KCNIP1: variants seen among roughly 807,000 people sequenced by gnomAD.
KCNIP1 encodes potassium voltage-gated channel interacting protein 1.
In KCNIP1, 18 loss-of-function variants were observed where a neutral mutation model predicts 33.0. The observed-to-expected ratio is 0.55, with a 90% CI of 0.38 to 0.81. The LOEUF is 0.81. KCNIP1 is among the 30% of genes least tolerant of loss of function. The pLI is 0.00. For synonymous variants in KCNIP1, 93 were observed against 98.3 expected (o/e 0.95, Z 0.32); for missense variants, 238 against 271.6 (o/e 0.88, Z 0.87).
chr5:170,511,710 T>A (rs980330579), intron 1 of KCNIP1, among the ~76,000 whole-genome samples: 2 of 152,212 alleles, frequency 1.3e-5, no homozygotes, highest in African/African-American at 4.8e-5. Flanking sequence ...GCTATTACAG[T>A]TCTCATTTTG....
At chr5:170,478,991 G>T (rs1756917505) in intron 1 of KCNIP1, among the ~76,000 whole-genome samples, 1 of 152,122 alleles carries the variant, frequency 6.6e-6, no homozygotes, top group African/African-American at 2.4e-5. Context: ...TTTGAAAAGG[G>T]GGATTGCACG....
At chr5:170,514,292 G>A (rs1211128522) in intron 1 of KCNIP1, among the ~76,000 whole-genome samples, 2 of 152,196 alleles carry the variant, frequency 1.3e-5, no homozygotes, top group Admixed American at 6.5e-5. Context: ...GCATCCGTGT[G>A]GCTGAGGCTG....
At chr5:170,467,709 G>A (rs959349612) in intron 1 of KCNIP1, among the ~76,000 whole-genome samples, 2 of 152,242 alleles carry the variant, frequency 1.3e-5, no homozygotes, top group African/African-American at 4.8e-5. Context: ...CCTGAGGTCA[G>A]GAGTTAGAGA....
chr5:170,402,188 G>A (rs60192040), intron 1 of KCNIP1, among the ~76,000 whole-genome samples: 43 of 152,162 alleles, frequency 2.8e-4, no homozygotes, highest in African/African-American at 9.9e-4. Flanking sequence ...AAGAGCTCAA[G>A]ATCCTTTGTT....
chr5:170,696,016 CAAA>C (rs34474795), intron 1 of KCNIP1, among the ~76,000 whole-genome samples: 5 of 93,934 alleles, frequency 5.3e-5, no homozygotes, highest in Admixed American at 1.2e-4. Context: ...GACTCTGTCT[CAAA>C]AAAAAAAAAA....
chr5:170,594,062 T>TC (rs1758359432), intron 1 of KCNIP1, among the ~76,000 whole-genome samples: 1 of 151,850 alleles, frequency 6.6e-6, no homozygotes, highest in Non-Finnish European at 1.5e-5. Context: ...ACATTGAGGG[T>TC]CCCCCCTCCC....
In KCNIP1 at chr5:170,586,303, G is replaced by A. The variant is rs1032473554; in HGVS notation, c.61+81670G>A. ...AGTTTACTTCTTTGTAACCTTCCCA[G>A]TACCTTGCATATATTAGGTGCAGGA... On this transcript the variant is annotated intron_variant, in intron 1 of 7. Transcript: ENST00000328939. 2.6e-5 allele frequency among the ~76,000 whole-genome samples: 4 copies of A among 152,136 alleles called. No individual in the cohort carries two copies. The East Asian group carries it at 5.8e-4, about 22-fold the overall frequency.
chr5:170,600,066 G>T (rs999579239), intron 1 of KCNIP1, among the ~76,000 whole-genome samples: 2 of 152,188 alleles, frequency 1.3e-5, no homozygotes, highest in Non-Finnish European at 2.9e-5. Context: ...ACCCTGTGGT[G>T]TAGGTTCTCT....
At chr5:170,667,453 C>G (rs116236136) in intron 1 of KCNIP1, among the ~76,000 whole-genome samples, 1 of 152,324 alleles carries the variant, frequency 6.6e-6, no homozygotes, top group African/African-American at 2.4e-5. Flanking sequence ...CACAAGCAAA[C>G]TGCCTTCTCC....
intron 1 of KCNIP1, among the ~76,000 whole-genome samples, chr5:170,497,757 C>A (rs1011695558): frequency 1.3e-5 from 2 of 152,196 alleles, no homozygotes; most frequent in Non-Finnish European, 2.9e-5. Context: ...CTCTCCCTGA[C>A]TACCCCTGCC....
At chr5:170,559,677 C>A (rs1047252264) in intron 1 of KCNIP1, among the ~76,000 whole-genome samples, 1 of 152,164 alleles carries the variant, frequency 6.6e-6, no homozygotes, top group Non-Finnish European at 1.5e-5. Flanking sequence ...TTGAAAAACA[C>A]CCTCTGGACA....
At chr5:170,697,537 G>A (rs1398390639) in intron 1 of KCNIP1, among the ~76,000 whole-genome samples, 2 of 152,198 alleles carry the variant, frequency 1.3e-5, no homozygotes, top group African/African-American at 2.4e-5. Context: ...GAGATGGTGA[G>A]TACATGAAAT....
chr5:170,388,359 G>A (rs758914914), intron 1 of KCNIP1, among the ~76,000 whole-genome samples: 34 of 152,208 alleles, frequency 2.2e-4, no homozygotes, highest in Non-Finnish European at 1.5e-4. Flanking sequence ...AACCTTTGGC[G>A]GGAGGAAGGA....
chr5:170,649,409 G>T (rs1581445277), intron 1 of KCNIP1, among the ~76,000 whole-genome samples: 1 of 152,210 alleles, frequency 6.6e-6, no homozygotes, highest in South Asian at 2.1e-4. Context: ...TTGTTCCAGG[G>T]CATCCATGGT....
chr5:170,503,795 T>C (rs1412404496), upstream of KCNIP1, among the ~76,000 whole-genome samples: 2 of 145,250 alleles, frequency 1.4e-5, no homozygotes, highest in Non-Finnish European at 3.0e-5. Flanking sequence ...GGGGCCAATC[T>C]ACTGCCCCCT....
intron 1 of KCNIP1, among the ~76,000 whole-genome samples, chr5:170,581,403 C>T (rs1053344785): frequency 4.6e-5 from 7 of 152,220 alleles, no homozygotes; most frequent in African/African-American, 1.7e-4. Context: ...GTCTTCTCAT[C>T]CAGCAGTGAC....
chr5:170,605,770 C>CTTTTTTTTTTTTTTTTTTTTTTTTT (rs766469605), intron 1 of KCNIP1, among the ~76,000 whole-genome samples: 1 of 102,352 alleles, frequency 9.8e-6, no homozygotes, highest in Non-Finnish European at 1.9e-5. Flanking sequence ...CAACCCTGTT[C>CTTTTTTTTTTTTTTTTTTTTTTTTT]TTTTTTTTTT....
intron 1 of KCNIP1, among the ~76,000 whole-genome samples, chr5:170,388,622 G>A (rs985764702): frequency 2.6e-5 from 4 of 152,186 alleles, no homozygotes; most frequent in African/African-American, 7.2e-5. Flanking sequence ...TAGCTGGGTC[G>A]ACATCCTTTT....
intron 1 of KCNIP1, among the ~76,000 whole-genome samples, chr5:170,711,276 G>C (rs1359676254): frequency 6.6e-6 from 1 of 152,218 alleles, no homozygotes. Context: ...ACTGGCATTT[G>C]AGTTTCTAAT....
Sources: allele counts gnomAD v4.1 joint callset (sites outside exome capture counted in the v4.1 genomes callset), GRCh38; gene constraint gnomAD v4.1.1; transcripts MANE v1.5; gene names NCBI Gene and HGNC (gene_info 2026-07-23, HGNC 2026-07-21).